HCFC2: variants seen among roughly 807,000 people sequenced by gnomAD.
The protein encoded by HCFC2 is host cell factor 2.
A neutral mutation model predicts 89.2 loss-of-function variants in HCFC2; 18 were observed. The ratio of observed to expected loss-of-function variants is 0.20; its 90% CI spans 0.14 to 0.30. HCFC2 has a LOEUF of 0.30. Ranked by LOEUF, HCFC2 falls within the 10% of genes least tolerant of loss-of-function variation. HCFC2 has a pLI of 1.00. For missense variants in HCFC2, 578 were observed against 956.1 expected, an observed-to-expected ratio of 0.60 and a Z score of 5.21; for synonymous variants, 308 against 335.7, an observed-to-expected ratio of 0.92 and a Z score of 0.90.
chr12:104,070,828 G>T (rs1280018031), intron 3 of HCFC2, among the ~76,000 whole-genome samples: 17 of 132,750 alleles, frequency 1.3e-4, no homozygotes, highest in Admixed American at 1.3e-3. Flanking sequence ...TTTTTGAGAC[G>T]GAGTCTCACT....
chr12:104,093,445 GA>G lies in HCFC2; in HGVS notation c.1349del (p.Asn450ThrfsTer8). ...EQPATKETSM[K>X]NKPDFKALTD... Reference sequence around the variant, plus strand: ...AGCCAGCCACAAAAGAAACTTCAATGAAAAACAAACCAGACTTTAAAGCACT... The same window carrying G: ...AGCCAGCCACAAAAGAAACTTCAATGAAAACAAACCAGACTTTAAAGCACT... On this transcript the variant is annotated frameshift_variant, in exon 10 of 15. Transcript: ENST00000229330. LOFTEE classifies it high-confidence loss of function. 6.2e-7 allele frequency: 1 copy of G among 1,613,252 alleles called. No homozygotes were observed. Among genetic ancestry groups the G allele is most frequent in the Non-Finnish European group, 8.5e-7 (1 of 1,179,610 alleles).
At position 104,106,390 on chromosome 12, in the gene HCFC2, G is replaced by C. The variant is rs1198704283; in HGVS notation, c.*3117G>C. 2 of 152,124 alleles carry C rather than the reference G, an allele frequency of 1.3e-5. No homozygotes were observed. Among genetic ancestry groups the C allele is most frequent in the Non-Finnish European group, 2.9e-5 (2 of 67,984 alleles). 9.4% of individuals were successfully genotyped at this position (152,124 alleles called of 1,614,324 possible). The stretch of plus-strand genomic sequence containing the variant: ...CATTTGATCATAAATGAAGTAGCTT[G>C]CAAAATAGACTTGGTCTTTGACCCT... On this transcript the variant is annotated 3_prime_UTR_variant, in exon 15 of 15. Transcript: ENST00000229330.
intron 7 of HCFC2, 68 bp from the exon 8 acceptor site, chr12:104,086,779 A>G (rs1883863162): frequency 7.0e-7 from 1 of 1,433,714 alleles, no homozygotes; most frequent in Non-Finnish European, 9.7e-7. Context: ...TCTGGTCCAC[A>G]CAAATTATAT....
At chr12:104,077,012 CT>C (rs1883513948) in intron 3 of HCFC2, among the ~76,000 whole-genome samples, 1 of 151,984 alleles carries the variant, frequency 6.6e-6, no homozygotes, top group African/African-American at 2.4e-5. Flanking sequence ...GTGTCTGTGT[CT>C]GTGTGTATAT....
intron 3 of HCFC2, among the ~76,000 whole-genome samples, chr12:104,077,018 G>GTA (rs1037177289): frequency 1.6e-4 from 24 of 152,062 alleles, no homozygotes; most frequent in African/African-American, 4.3e-4. Context: ...GTGTCTGTGT[G>GTA]TATATATATA....
At chr12:104,083,181 A>G (rs1424262914) in intron 7 of HCFC2, among the ~76,000 whole-genome samples, 1 of 152,154 alleles carries the variant, frequency 6.6e-6, no homozygotes, top group Non-Finnish European at 1.5e-5. Flanking sequence ...CCTGGCAAGC[A>G]TGAGAAACCT....
At position 104,064,789 on chromosome 12, in the gene HCFC2, G is replaced by A; in HGVS notation, c.163+66G>A. 6.9e-7 allele frequency: 1 copy of A among 1,439,058 alleles called. No individual in the cohort carries two copies. The allele number at this position is 1,439,058 out of a possible 1,614,324, so 89.1% of individuals were successfully genotyped here. On this transcript the variant is annotated intron_variant, in intron 1 of 14. Transcript: ENST00000229330. The surrounding 1 kb of genome is among the most constrained non-coding windows in gnomAD (Gnocchi z 7.3). ...TGCGGAGGGGGAGGGGAGGCGAGGC[G>A]GCGGCCGCGGCCCTGACAGCTGTCA...
At position 104,064,759 on chromosome 12, in the gene HCFC2, G is replaced by C; in HGVS notation, c.163+36G>C. ...CGGCGGCTCGTCGGCCCCGCCTGCT[G>C]GAGCTGCGGAGGGGGAGGGGAGGCG... On this transcript the variant is annotated intron_variant, in intron 1 of 14. Transcript: ENST00000229330. The surrounding 1 kb of genome is among the most constrained non-coding windows in gnomAD (Gnocchi z 7.3). 1 of 1,534,966 alleles carries C rather than the reference G, an allele frequency of 6.5e-7. No individual in the cohort carries two copies. Among genetic ancestry groups the C allele is most frequent in the Non-Finnish European group, 8.7e-7 (1 of 1,143,092 alleles).
chr12:104,096,419 G>A lies in HCFC2; in HGVS notation c.1726G>A (p.Ala576Thr), dbSNP rs774432937. 1.9e-6 allele frequency: 3 copies of A among 1,607,186 alleles called. No individual in the cohort carries two copies. The highest frequency in any genetic ancestry group is 1.7e-5 in the Admixed American group (1 of 59,926). The change falls in exon 12 of 15, where the codon GCA becomes ACA. Residue 576 changes from alanine (A) to threonine (T), a missense_variant. Ala to Thr is a moderately conservative substitution (Grantham distance 58). This residue lies in a region of HCFC2 where 140 missense variants were observed against 266.4 expected (regional missense o/e 0.53). Coordinates refer to ENST00000229330, the MANE Select transcript of HCFC2 (RefSeq NM_013320.3). ...KISRVETHATATPFSKETPSN... is the reference protein window; with the variant it reads ...KISRVETHATTTPFSKETPSN... Reference sequence around the variant, plus strand: ...CAGCCGTGTAGAGACACATGCTACAGCAACGCCGTTTTCTGTAAGTACATG... The same window carrying A: ...CAGCCGTGTAGAGACACATGCTACAACAACGCCGTTTTCTGTAAGTACATG...
intron 3 of HCFC2, among the ~76,000 whole-genome samples, chr12:104,069,300 T>G (rs1241464906): frequency 6.6e-6 from 1 of 152,094 alleles, no homozygotes; most frequent in Non-Finnish European, 1.5e-5. Flanking sequence ...AGTTAGACCT[T>G]ATCTTAAAAA....
chr12:104,077,491 G>T (rs1354551620), intron 3 of HCFC2, among the ~76,000 whole-genome samples: 2 of 150,742 alleles, frequency 1.3e-5, no homozygotes, highest in African/African-American at 2.4e-5. Context: ...TGATCTGCCC[G>T]CCTCGGCCTC....
chr12:104,085,471 T>C (rs1593602334), intron 7 of HCFC2, among the ~76,000 whole-genome samples: 1 of 152,208 alleles, frequency 6.6e-6, no homozygotes, highest in African/African-American at 2.4e-5. Context: ...TTTTTCTCTG[T>C]AGGGATTATA....
intron 3 of HCFC2, among the ~76,000 whole-genome samples, chr12:104,075,313 G>A (rs1359813382): frequency 6.6e-6 from 1 of 150,654 alleles, no homozygotes; most frequent in African/African-American, 2.4e-5. Context: ...TATTAGTTTT[G>A]TCTAATCAGA....
chr12:104,073,864 CTT>C (rs918552941), intron 3 of HCFC2, among the ~76,000 whole-genome samples: 1 of 152,086 alleles, frequency 6.6e-6, no homozygotes, highest in Non-Finnish European at 1.5e-5. Flanking sequence ...GGCCTGCTGT[CTT>C]TTTTTATTAA....
rs146957396 is a variant in HCFC2 at position 104,100,320 on chromosome 12, C to T, written c.1879-1648C>T. Among the ~76,000 whole-genome samples, 6 of 152,258 alleles carry T rather than the reference C, an allele frequency of 3.9e-5. No individual in the cohort carries two copies. The East Asian group carries it at 1.2e-3, about 29-fold the overall frequency. On this transcript the variant is annotated intron_variant, in intron 13 of 14. Coordinates refer to ENST00000229330, the MANE Select transcript of HCFC2 (RefSeq NM_013320.3). ...TGAAGGCCAGGTGCAGTGACTCATG[C>T]CTGTAATCCCAGTACTTTGGAAGTC...
At chr12:104,082,428 A>C (rs1223316882) in intron 5 of HCFC2, 72 bp from the exon 6 acceptor site, 12 of 960,850 alleles carry the variant, frequency 1.2e-5, no homozygotes, top group Non-Finnish European at 2.0e-5. Context: ...AAATTTTTCT[A>C]TTCTTAGCAC....
intron 7 of HCFC2, among the ~76,000 whole-genome samples, chr12:104,086,334 A>G (rs1471271150): frequency 6.6e-6 from 1 of 152,126 alleles, no homozygotes; most frequent in East Asian, 1.9e-4. Flanking sequence ...ATCATGTCCA[A>G]GTTATCTTTG....
At chr12:104,067,884 T>C (rs1883198091) in intron 2 of HCFC2, 63 bp from the exon 3 acceptor site, 1 of 1,438,876 alleles carries the variant, frequency 6.9e-7, no homozygotes, top group Non-Finnish European at 9.2e-7. Flanking sequence ...TGTTGCACTA[T>C]TGACAATATA....
chr12:104,081,208 G>A (rs911577479), intron 5 of HCFC2, among the ~76,000 whole-genome samples: 3 of 152,148 alleles, frequency 2.0e-5, no homozygotes, highest in Non-Finnish European at 2.9e-5. Flanking sequence ...TAGAGTTGAT[G>A]GTTAGAATAC....
Sources: gnomAD v4.1 joint callset for allele counts (sites outside exome capture counted in the v4.1 genomes callset) on GRCh38, gnomAD v4.1.1 for gene constraint, gnomAD v4.1.1 regional missense constraint, Gnocchi (gnomAD v3.1) non-coding constraint, MANE v1.5 for transcripts, NCBI Gene and HGNC (gene_info 2026-07-23, HGNC 2026-07-21) for gene names.